Variants in DYM observed in about 807,000 individuals in gnomAD.
DYM encodes the protein dymeclin, also known as dyggve-Melchior-Clausen syndrome protein.
A neutral mutation model predicts 93.1 loss-of-function variants in DYM; 78 were observed. The ratio of observed to expected loss-of-function variants is 0.84; its 90% CI spans 0.70 to 1.01. The LOEUF (loss-of-function observed/expected upper bound fraction) is 1.01. Among genes scored for constraint, DYM ranks in the 50% least tolerant of loss-of-function variants. The probability of loss-of-function intolerance (pLI) is 0.00; values close to 1 mark genes in which losing one functional copy is unlikely to be tolerated. For missense variants in DYM, 789 were observed against 845.0 expected (o/e 0.93, Z 0.82); for synonymous variants, 321 against 319.7 (o/e 1.00, Z -0.04).
chr18:49,080,535 C>A (rs552373347), intron 17 of DYM, among the ~76,000 whole-genome samples: 1,332 of 127,072 alleles, frequency 0.01, 9 homozygotes, highest in Non-Finnish European at 0.016. Context: ...CCAGTAGGGG[C>A]GGCCGGGCAG....
chr18:49,444,011 T>C (rs2081893855), intron 1 of DYM, among the ~76,000 whole-genome samples: 1 of 152,228 alleles, frequency 6.6e-6, no homozygotes, highest in Non-Finnish European at 1.5e-5. Flanking sequence ...CAATCTGAAG[T>C]AGAATCTGCT....
At chr18:49,204,908 C>T (rs1380083610) in intron 14 of DYM, among the ~76,000 whole-genome samples, 3 of 152,162 alleles carry the variant, frequency 2.0e-5, no homozygotes, top group Admixed American at 6.5e-5. Context: ...AGGCTTATGG[C>T]TTCATAAAAT....
At chr18:49,231,906 T>C (rs764754466) in intron 13 of DYM, among the ~76,000 whole-genome samples, 6 of 152,218 alleles carry the variant, frequency 3.9e-5, no homozygotes, top group East Asian at 1.9e-4. Context: ...CGTCTGTATC[T>C]GATTTTACTT....
At chr18:49,421,134 GC>G (rs2073650516) in intron 2 of DYM, among the ~76,000 whole-genome samples, 1 of 152,216 alleles carries the variant, frequency 6.6e-6, no homozygotes, top group South Asian at 2.1e-4. Flanking sequence ...ATGTCTGACA[GC>G]TTTGAAGAGA....
At chr18:49,259,417 TA>T (rs1265754810) in intron 11 of DYM, among the ~76,000 whole-genome samples, 1 of 152,210 alleles carries the variant, frequency 6.6e-6, no homozygotes, top group African/African-American at 2.4e-5. Flanking sequence ...CATAATCAGC[TA>T]AAGACAAATT....
At chr18:49,204,515 C>T (rs1263749842) in intron 14 of DYM, among the ~76,000 whole-genome samples, 2 of 152,200 alleles carry the variant, frequency 1.3e-5, no homozygotes, top group Admixed American at 6.5e-5. Context: ...TTTCTTACTT[C>T]ACAGATTTCT....
At chr18:49,261,564 G>A (rs759810994) in intron 11 of DYM, among the ~76,000 whole-genome samples, 10 of 152,196 alleles carry the variant, frequency 6.6e-5, no homozygotes, top group Non-Finnish European at 1.3e-4. Context: ...TTGGGAGGCT[G>A]AGGCAGGAGA....
intron 16 of DYM, among the ~76,000 whole-genome samples, chr18:49,104,264 T>C (rs572889742): frequency 1.3e-5 from 2 of 152,356 alleles, no homozygotes; most frequent in African/African-American, 4.8e-5. Flanking sequence ...ATTGATTTTG[T>C]AACCTGAGAC....
intron 13 of DYM, among the ~76,000 whole-genome samples, chr18:49,214,209 T>A (rs981309028): frequency 6.6e-6 from 1 of 152,152 alleles, no homozygotes; most frequent in Non-Finnish European, 1.5e-5. Flanking sequence ...AGTAGGTGAG[T>A]GGCAGTTGAA....
chr18:49,275,012 T>C (rs1263131326), intron 10 of DYM, among the ~76,000 whole-genome samples: 2 of 152,210 alleles, frequency 1.3e-5, no homozygotes, highest in African/African-American at 4.8e-5. Flanking sequence ...TTTTCTTTCA[T>C]TGCTCATGCT....
intron 17 of DYM, among the ~76,000 whole-genome samples, chr18:49,069,771 G>A (rs888992497): frequency 1.3e-5 from 2 of 152,162 alleles, no homozygotes; most frequent in Non-Finnish European, 2.9e-5. Flanking sequence ...GGCCAGGCAT[G>A]GTGGCTCACG....
chr18:49,215,046 T>C (rs2092964375), intron 13 of DYM, among the ~76,000 whole-genome samples: 1 of 152,234 alleles, frequency 6.6e-6, no homozygotes, highest in Admixed American at 6.5e-5. Flanking sequence ...GTTTGACAAA[T>C]AGCCTCATTC....
At chr18:49,439,500 A>C (rs1352142182) in intron 1 of DYM, among the ~76,000 whole-genome samples, 4 of 152,202 alleles carry the variant, frequency 2.6e-5, no homozygotes, top group Admixed American at 2.6e-4. Context: ...CCTGAGAGGC[A>C]TGAATCAGGC....
chr18:49,043,882 T>C lies in DYM; in HGVS notation c.*173A>G. ...ATACTATCTACGCTGAGTTATCTAT[T>C]GCCAACTAGCACCAATTCTCCAAAT... On this transcript the variant is annotated 3_prime_UTR_variant, in exon 18 of 18. Transcript: ENST00000675505. 2 of 750,316 alleles carry C rather than the reference T, an allele frequency of 2.7e-6. No homozygotes were observed. The highest frequency in any genetic ancestry group is 3.4e-5 in the South Asian group (2 of 58,032). The allele number at this position is 750,316 out of a possible 1,614,324, so 46.5% of individuals were successfully genotyped here.
chr18:49,384,499 G>T (rs1024009303), intron 3 of DYM, among the ~76,000 whole-genome samples: 1 of 151,648 alleles, frequency 6.6e-6, no homozygotes, highest in Non-Finnish European at 1.5e-5. Flanking sequence ...GGTGGCGCAT[G>T]CTTGTAATCC....
At chr18:49,047,637 T>A (rs1224590175) in intron 17 of DYM, among the ~76,000 whole-genome samples, 1 of 152,144 alleles carries the variant, frequency 6.6e-6, no homozygotes, top group African/African-American at 2.4e-5. Context: ...CTCTGGGTGT[T>A]CCCTAACTGC....
At chr18:49,377,665 C>T (rs983674020) in intron 5 of DYM, among the ~76,000 whole-genome samples, 4 of 152,130 alleles carry the variant, frequency 2.6e-5, no homozygotes, top group African/African-American at 4.8e-5. Context: ...GTGATGTTGA[C>T]CTGGATGAAC....
chr18:49,182,454 T>C (rs570522316), intron 14 of DYM, among the ~76,000 whole-genome samples: 2 of 152,232 alleles, frequency 1.3e-5, no homozygotes, highest in African/African-American at 4.8e-5. Flanking sequence ...TTGCTTCAAA[T>C]GTGTATGTTA....
intron 15 of DYM, among the ~76,000 whole-genome samples, chr18:49,154,490 G>A (rs745691877): frequency 7.2e-5 from 11 of 152,166 alleles, no homozygotes; most frequent in Admixed American, 6.5e-4. Flanking sequence ...CGCCTCCTGG[G>A]TTCAAGCAGT....
Sources: gnomAD v4.1 joint callset for allele counts (sites outside exome capture counted in the v4.1 genomes callset) on GRCh38, gnomAD v4.1.1 for gene constraint, MANE v1.5 for transcripts, NCBI Gene and HGNC (gene_info 2026-07-23, HGNC 2026-07-21) for gene names.